The following CDH23 variants were observed in gnomAD, a reference collection of about 807,000 sequenced individuals.
CDH23 encodes cadherin-23.
In CDH23, 189 loss-of-function variants were observed where a neutral mutation model predicts 317.1. The observed-to-expected ratio is 0.60, with a 90% CI of 0.53 to 0.67. The LOEUF (loss-of-function observed/expected upper bound fraction) is 0.67. Among genes scored for constraint, CDH23 ranks in the 30% least tolerant of loss-of-function variants. The probability of loss-of-function intolerance (pLI) is 0.00; values close to 1 mark genes in which losing one functional copy is unlikely to be tolerated. For synonymous variants in CDH23, 1,839 were observed against 1,876.8 expected (o/e 0.98, Z 0.52); for missense variants, 4,401 against 4,592.4 (o/e 0.96, Z 1.20).
intron 69 of CDH23, among the ~76,000 whole-genome samples, chr10:71,814,645 TAC>T (rs921742881): frequency 1.1e-4 from 16 of 143,942 alleles, no homozygotes; most frequent in Admixed American, 2.1e-4. Context: ...TACACACACA[TAC>T]ACACACACAC....
chr10:71,780,849 G>A (rs1192516968), intron 41 of CDH23, among the ~76,000 whole-genome samples: 1 of 152,278 alleles, frequency 6.6e-6, no homozygotes, highest in African/African-American at 2.4e-5. Context: ...GAGGGTGGTG[G>A]CATCACCACC....
chr10:71,771,908 C>G (rs566237992), intron 38 of CDH23, among the ~76,000 whole-genome samples: 1 of 152,172 alleles, frequency 6.6e-6, no homozygotes, highest in African/African-American at 2.4e-5. Context: ...CAAGTGAGGG[C>G]AGGAAGTGGG....
At chr10:71,590,551 G>A (rs532217271) in intron 9 of CDH23, among the ~76,000 whole-genome samples, 5 of 152,262 alleles carry the variant, frequency 3.3e-5, no homozygotes, top group South Asian at 2.1e-4. Flanking sequence ...AACGACGTCC[G>A]GCAGACCAAG....
At chr10:71,732,799 G>A (rs933240666) in intron 32 of CDH23, 3 of 817,926 alleles carry the variant, frequency 3.7e-6, no homozygotes, top group Non-Finnish European at 3.0e-6. Flanking sequence ...ATCGAAGTGT[G>A]TGTGGGGTTT....
At chr10:71,596,898 A>C (rs1859887318) in intron 9 of CDH23, among the ~76,000 whole-genome samples, 3 of 150,566 alleles carry the variant, frequency 2.0e-5, no homozygotes, top group South Asian at 2.1e-4. Context: ...CCCGGTCCCC[A>C]CCTCCCCGCT....
Position 71,645,901 on chromosome 10 carries a change from C to T in CDH23, c.1211C>T (p.Ser404Phe), listed in dbSNP as rs1419311997. The T allele has an allele frequency of 3.7e-6, 6 of 1,613,578 alleles. No individual in the cohort carries two copies. Among genetic ancestry groups the T allele is most frequent in the Non-Finnish European group, 4.2e-6 (5 of 1,179,680 alleles). The change falls in exon 13 of 70, where the codon TCC (serine) becomes TTC (phenylalanine). Residue 404 changes from serine (S) to phenylalanine (F), a missense_variant. Transcript: ENST00000224721. The part of the protein sequence containing the change: ...NSHHFIISPT[S>F]VQGKADIRIR... ...CACCACTTCATCATCTCCCCGACCTCCGTCCAGGGGAAGGCGGACATTCGT... is the reference window on the plus strand; with the variant it reads ...CACCACTTCATCATCTCCCCGACCTTCGTCCAGGGGAAGGCGGACATTCGT...
intron 1 of CDH23, among the ~76,000 whole-genome samples, chr10:71,409,986 G>A (rs1451910606): frequency 2.0e-5 from 3 of 152,206 alleles, no homozygotes; most frequent in African/African-American, 4.8e-5. Context: ...CCCTAAATGA[G>A]AGGAAGTGTT....
Position 71,443,189 on chromosome 10 carries a change from G to A in CDH23, c.68-3129G>A, listed in dbSNP as rs564572509. On this transcript the variant is annotated intron_variant, in intron 2 of 69. Coordinates refer to ENST00000224721, the MANE Select transcript of CDH23 (RefSeq NM_022124.6). ...AGGCCTGGGGAGGCGACCGGGGCTT[G>A]GACTCAGACTGGCCTGGCTGGAATC... Among the ~76,000 whole-genome samples the A allele has an allele frequency of 2.2e-4, 33 of 152,332 alleles. 1 individual carries two copies. In the South Asian group the frequency reaches 6.6e-3, roughly 31 times the overall value.
At chr10:71,554,288 C>T (rs1423682711) in intron 6 of CDH23, among the ~76,000 whole-genome samples, 1 of 152,060 alleles carries the variant, frequency 6.6e-6, no homozygotes, top group Non-Finnish European at 1.5e-5. Flanking sequence ...GCCTCAATGT[C>T]CTGGGCTCAA....
chr10:71,415,661 C>A (rs1358454355), intron 1 of CDH23, among the ~76,000 whole-genome samples: 1 of 152,102 alleles, frequency 6.6e-6, no homozygotes, highest in African/African-American at 2.4e-5. Flanking sequence ...TTCTTTTAAG[C>A]ACAGCTATTA....
In CDH23 at chr10:71,588,538, A is replaced by T. The variant is rs181401729; in HGVS notation, c.832+10546A>T. ...TTATTATTAGCATTAAAAAAATTATAGTCTAGTTGATGACAAACACAAACA... is the reference window on the plus strand; with the variant it reads ...TTATTATTAGCATTAAAAAAATTATTGTCTAGTTGATGACAAACACAAACA... On this transcript the variant is annotated intron_variant, in intron 9 of 69. Coordinates refer to ENST00000224721, the MANE Select transcript of CDH23 (RefSeq NM_022124.6). Among the ~76,000 whole-genome samples the T allele has an allele frequency of 3.3e-5, 5 of 152,304 alleles. No individual in the cohort carries two copies. In the East Asian group the frequency reaches 7.7e-4, roughly 23 times the overall value.
At chr10:71,806,835 G>T (rs1166510237) in intron 57 of CDH23, among the ~76,000 whole-genome samples, 9 of 152,216 alleles carry the variant, frequency 5.9e-5, no homozygotes, top group Admixed American at 4.6e-4. Context: ...TGAGACTACA[G>T]GCATAAGCCA....
At chr10:71,589,909 C>A (rs1859352844) in intron 9 of CDH23, among the ~76,000 whole-genome samples, 1 of 152,220 alleles carries the variant, frequency 6.6e-6, no homozygotes, top group African/African-American at 2.4e-5. Context: ...TCTCAATAAA[C>A]CCATGAGACT....
chr10:71,520,595 C>T (rs1854615669), intron 6 of CDH23, among the ~76,000 whole-genome samples: 1 of 152,206 alleles, frequency 6.6e-6, no homozygotes, highest in Non-Finnish European at 1.5e-5. Context: ...CAGGTAAGGC[C>T]TGAGTGTCCA....
Position 71,511,197 on chromosome 10 carries a change from C to G in CDH23, c.414C>G (p.Ser138Arg). The G allele has an allele frequency of 6.2e-7, 1 of 1,613,466 alleles. No homozygotes were observed. The highest frequency in any genetic ancestry group is 8.5e-7 in the Non-Finnish European group (1 of 1,179,524). Residue 138 changes from serine (S) to arginine (R), a missense_variant, in exon 6 of 70, where the codon AGC becomes AGG. By Grantham distance (110) the Ser-to-Arg change is moderately radical (BLOSUM62 -1). Coordinates refer to ENST00000224721, the MANE Select transcript of CDH23 (RefSeq NM_022124.6). ...NAPTFHNQPY[S>R]VRIPENTPVG... ...CCACATTTCACAATCAGCCCTACAGCGTCCGCATCCCTGAGGTAGGAGCCA... is the reference window on the plus strand; with the variant it reads ...CCACATTTCACAATCAGCCCTACAGGGTCCGCATCCCTGAGGTAGGAGCCA...
chr10:71,734,241 G>T lies in CDH23; in HGVS notation c.4106G>T (p.Gly1369Val). 6.2e-7 allele frequency: 1 copy of T among 1,608,270 alleles called. No individual in the cohort carries two copies. ...KALFKIDAIT[G>V]VITVQGLVDR... ...ACCCATCTGGCCCCTTCCCTGCAGG[G>T]TGTGATCACAGTCCAGGGCCTGGTG... The change falls in exon 33 of 70, where the codon GGT becomes GTT. Residue 1369 changes from glycine (G) to valine (V), a missense_variant and splice_region_variant. Transcript: ENST00000224721.
chr10:71,746,091 C>T (rs971147440), intron 38 of CDH23, among the ~76,000 whole-genome samples: 1 of 152,224 alleles, frequency 6.6e-6, no homozygotes, highest in Non-Finnish European at 1.5e-5. Flanking sequence ...AGAGATACAT[C>T]AGGCACAGGT....
chr10:71,738,405 GA>G (rs1335130576), intron 34 of CDH23, 92 bp from the exon 35 acceptor site: 14 of 1,460,118 alleles, frequency 9.6e-6, no homozygotes, highest in Non-Finnish European at 4.8e-6. Context: ...ACCCACTGGG[GA>G]TCTGGTCCCT....
In CDH23 at chr10:71,397,108, C is replaced by G. The variant is rs930114760; in HGVS notation, c.-216C>G. On this transcript the variant is annotated 5_prime_UTR_variant, in exon 1 of 70. Transcript: ENST00000224721. This position sits in a 1 kb window ranked among gnomAD's most constrained non-coding sequence, Gnocchi z 4.8. ...TTTGGGGCGCGCCCAGTCCGAGCCC[C>G]CGGCGCGCCTGAAGTTGCGAGCGGC... 2 of 175,136 alleles carry G rather than the reference C, an allele frequency of 1.1e-5. No individual in the cohort carries two copies. The highest frequency in any genetic ancestry group is 2.4e-5 in the Non-Finnish European group (2 of 83,718). The allele number at this position is 175,136 out of a possible 1,614,324, so 10.8% of individuals were successfully genotyped here.
Sources: allele counts gnomAD v4.1 joint callset (sites outside exome capture counted in the v4.1 genomes callset), GRCh38; gene constraint gnomAD v4.1.1; non-coding constraint Gnocchi (gnomAD v3.1); transcripts MANE v1.5; gene names NCBI Gene and HGNC (gene_info 2026-07-23, HGNC 2026-07-21).